CMYA5: variants seen among roughly 807,000 people sequenced by gnomAD.
CMYA5 encodes cardiomyopathy-associated protein 5.
Under a neutral mutation model 318.9 loss-of-function variants are expected in CMYA5, and 246 were observed. The ratio of observed to expected loss-of-function variants is 0.77; its 90% CI spans 0.70 to 0.86. The LOEUF (loss-of-function observed/expected upper bound fraction) is 0.86, where lower values mean the gene tolerates loss of function less well. CMYA5 is among the 40% of genes least tolerant of loss of function. The pLI is 0.00. For synonymous variants in CMYA5, 1,641 were observed against 1,729.5 expected (o/e 0.95, Z 1.27); for missense variants, 4,589 against 4,678.2 (o/e 0.98, Z 0.56).
Position 79,689,959 on chromosome 5 carries a change from G to A in CMYA5, c.52G>A (p.Gly18Arg), listed in dbSNP as rs1405200693. 8.6e-7 allele frequency: 1 copy of A among 1,158,194 alleles called. No individual in the cohort carries two copies. Among genetic ancestry groups the A allele is most frequent in the Non-Finnish European group, 1.3e-6 (1 of 794,838 alleles). 71.7% of individuals were successfully genotyped at this position (1,158,194 alleles called of 1,614,324 possible). Residue 18 changes from glycine to arginine, a missense_variant, in exon 1 of 13, where the codon GGG becomes AGG. Physicochemically the swap from Gly to Arg is moderately radical, Grantham distance 125. Transcript: ENST00000446378. ...HAGESFLGSD[G>R]DEEATRELET... ...TGGCGAGAGCTTTCTCGGCTCCGAC[G>A]GGGACGAGGAGGCGACCCGGGAGCT...
chr5:79,713,422 C>A (rs1213553669), intron 1 of CMYA5, among the ~76,000 whole-genome samples: 1 of 152,020 alleles, frequency 6.6e-6, no homozygotes, highest in East Asian at 1.9e-4. Context: ...TGGTCTGAAG[C>A]AGTCACTAAG....
At chr5:79,747,485 A>C (rs1403577844) in intron 5 of CMYA5, among the ~76,000 whole-genome samples, 2 of 152,210 alleles carry the variant, frequency 1.3e-5, no homozygotes, top group Non-Finnish European at 1.5e-5. Flanking sequence ...GAGTAATTTT[A>C]TGATTTATGT....
intron 11 of CMYA5, among the ~76,000 whole-genome samples, chr5:79,791,851 A>G (rs1039477000): frequency 6.6e-5 from 10 of 152,214 alleles, no homozygotes; most frequent in African/African-American, 2.4e-4. Flanking sequence ...GGCGGAGGAT[A>G]GGGTGGAGGA....
At position 79,732,345 on chromosome 5, in the gene CMYA5, G is replaced by C; in HGVS notation, c.3580G>C (p.Ala1194Pro). 6.2e-7 allele frequency: 1 copy of C among 1,613,734 alleles called. No individual in the cohort carries two copies. The highest frequency in any genetic ancestry group is 8.5e-7 in the Non-Finnish European group (1 of 1,179,798). Residue 1194 changes from alanine to proline, a missense_variant, in exon 2 of 13, where the codon GCT becomes CCT. Coordinates refer to ENST00000446378, the MANE Select transcript of CMYA5 (RefSeq NM_153610.5). Reference sequence around the variant, plus strand: ...ACCCACAGCAGCACTCACTCTAAAAGCTGCAGATGAACAGATGGCTTTGTC... The same window carrying C: ...ACCCACAGCAGCACTCACTCTAAAACCTGCAGATGAACAGATGGCTTTGTC... Reference protein sequence around the residue: ...QEPTAALTLKAADEQMALSKV... With the variant: ...QEPTAALTLKPADEQMALSKV...
chr5:79,732,070 C>G lies in CMYA5; in HGVS notation c.3305C>G (p.Ser1102Cys). The G allele has an allele frequency of 6.2e-7, 1 of 1,613,988 alleles. No individual in the cohort carries two copies. The highest frequency in any genetic ancestry group is 8.5e-7 in the Non-Finnish European group (1 of 1,179,868). ...CCAGAGATTCCAACAACCTCAACAT[C>G]TGTATCTGAATATCTCATTTTGGCA... The part of the protein sequence containing the change: ...IKPEIPTTST[S>C]VSEYLILAQK... The change falls in exon 2 of 13, where the codon TCT (serine) becomes TGT (cysteine). Residue 1102 changes from serine to cysteine, a missense_variant. By Grantham distance (112) the Ser-to-Cys change is moderately radical. Around this residue, in one of 3 missense-constraint regions of CMYA5, gnomAD observed 2,132 missense variants for 2,131.3 expected, o/e 1.00. Transcript: ENST00000446378.
intron 9 of CMYA5, among the ~76,000 whole-genome samples, chr5:79,772,935 G>A (rs1828879696): frequency 2.6e-5 from 4 of 152,206 alleles, no homozygotes; most frequent in Admixed American, 2.6e-4. Context: ...TGGAGAACAA[G>A]TCTTACAGTA....
Position 79,731,452 on chromosome 5 carries a change from C to G in CMYA5, c.2687C>G (p.Ser896Cys). 1 of 1,610,470 alleles carries G rather than the reference C, an allele frequency of 6.2e-7. No homozygotes were observed. The highest frequency in any genetic ancestry group is 8.5e-7 in the Non-Finnish European group (1 of 1,177,862). Residue 896 changes from serine (S) to cysteine (C), a missense_variant, in exon 2 of 13, where the codon TCT (serine) becomes TGT (cysteine). Ser to Cys is a moderately radical substitution (Grantham distance 112). Coordinates refer to ENST00000446378, the MANE Select transcript of CMYA5 (RefSeq NM_153610.5). ...GTCGAGTTGGAACGATACACACCCT[C>G]TTCTACATCTGCTTCTGAATTTTCA... ...EAVELERYTP[S>C]STSASEFSVP...
At position 79,734,940 on chromosome 5, in the gene CMYA5, C is replaced by A. The variant is rs754427550; in HGVS notation, c.6175C>A (p.Gln2059Lys). 1.4e-5 allele frequency: 22 copies of A among 1,613,798 alleles called. No homozygotes were observed. Among genetic ancestry groups the A allele is most frequent in the Non-Finnish European group, 1.9e-5 (22 of 1,179,798 alleles). The change falls in exon 2 of 13, where the codon CAG (glutamine) becomes AAG (lysine). Residue 2059 changes from glutamine (Q) to lysine (K), a missense_variant. Coordinates refer to ENST00000446378, the MANE Select transcript of CMYA5 (RefSeq NM_153610.5). The stretch of plus-strand genomic sequence containing the variant: ...ACCAGTGTCTGGCCTATCAGTGGAA[C>A]AGGTGAAGTCAGAAACAATCTCCTC... ...QKPVSGLSVE[Q>K]VKSETISSSV... is the part of the protein sequence containing the mutation.
chr5:79,712,049 A>C (rs992969603), intron 1 of CMYA5, among the ~76,000 whole-genome samples: 4 of 152,132 alleles, frequency 2.6e-5, no homozygotes, highest in African/African-American at 7.2e-5. Flanking sequence ...GTTTATCCAA[A>C]CAGGCCCGGA....
chr5:79,772,485 T>C (rs529868375), intron 9 of CMYA5, among the ~76,000 whole-genome samples: 5 of 152,188 alleles, frequency 3.3e-5, no homozygotes, highest in African/African-American at 9.7e-5. Flanking sequence ...CAGGTTTGAC[T>C]CTCCAACCTC....
At position 79,732,525 on chromosome 5, in the gene CMYA5, G is replaced by A. The variant is rs1275899857; in HGVS notation, c.3760G>A (p.Val1254Ile). The A allele has an allele frequency of 1.2e-6, 2 of 1,613,178 alleles. No individual in the cohort carries two copies. Among genetic ancestry groups the A allele is most frequent in the Non-Finnish European group, 1.7e-6 (2 of 1,179,594 alleles). The change falls in exon 2 of 13, where the codon GTC (valine) becomes ATC (isoleucine). Residue 1254 changes from valine (V) to isoleucine (I), a missense_variant. By Grantham distance (29) the Val-to-Ile change is conservative (BLOSUM62 3). Around this residue, in one of 3 missense-constraint regions of CMYA5, gnomAD observed 2,132 missense variants for 2,131.3 expected, o/e 1.00. Transcript: ENST00000446378. ...CATGGTAGATGAGCCAAAGAAGGGT[G>A]TCAAGCCCAAATTAGTTCTAAATGT... ...PDMVDEPKKG[V>I]KPKLVLNVTS...
At chr5:79,712,700 A>G (rs574241970) in intron 1 of CMYA5, among the ~76,000 whole-genome samples, 5 of 152,320 alleles carry the variant, frequency 3.3e-5, no homozygotes, top group Admixed American at 1.3e-4. Context: ...AATACAAAAA[A>G]TTGCTGGAAG....
At chr5:79,719,496 A>AT (rs1392166701) in intron 1 of CMYA5, among the ~76,000 whole-genome samples, 1 of 152,200 alleles carries the variant, frequency 6.6e-6, no homozygotes, top group African/African-American at 2.4e-5. Flanking sequence ...AATGAAATTC[A>AT]TTTTTTGAGA....
intron 9 of CMYA5, among the ~76,000 whole-genome samples, chr5:79,774,654 G>A (rs562934100): frequency 1.3e-3 from 195 of 152,268 alleles, no homozygotes; most frequent in African/African-American, 4.6e-3. Context: ...AGACACTCCC[G>A]GGGCCATCCT....
chr5:79,707,035 G>A (rs550282663), intron 1 of CMYA5, among the ~76,000 whole-genome samples: 17 of 151,988 alleles, frequency 1.1e-4, no homozygotes, highest in African/African-American at 4.1e-4. Flanking sequence ...TCAAAACTAG[G>A]TGTGAACTCC....
chr5:79,762,222 GAGGGGCACCCA>G (rs1828666358), intron 8 of CMYA5: 1 of 326,440 alleles, frequency 3.1e-6, no homozygotes, highest in Admixed American at 4.6e-5. Context: ...GAACACTCCA[GAGGGGCACCCA>G]AGTTGGCCTG....
chr5:79,744,664 G>A (rs1828282615), intron 3 of CMYA5, among the ~76,000 whole-genome samples: 1 of 152,214 alleles, frequency 6.6e-6, no homozygotes, highest in Middle Eastern at 3.2e-3. Context: ...TTCCCCAGGT[G>A]TCCTTTTTAG....
chr5:79,756,312 T>A (rs1190799070), intron 6 of CMYA5, among the ~76,000 whole-genome samples: 1 of 152,176 alleles, frequency 6.6e-6, no homozygotes, highest in Non-Finnish European at 1.5e-5. Context: ...TCTGTGGCTT[T>A]CCAGATGATG....
In CMYA5 at chr5:79,731,180, C is replaced by G. The variant is rs1319647475; in HGVS notation, c.2415C>G (p.Leu805=). 6.2e-7 allele frequency: 1 copy of G among 1,614,022 alleles called. No homozygotes were observed. The highest frequency in any genetic ancestry group is 8.5e-7 in the Non-Finnish European group (1 of 1,179,892). Residue 805 remains leucine, a synonymous_variant, in exon 2 of 13, where the codon CTC becomes CTG. Transcript: ENST00000446378. ...SKLISKYAAP[L]NATQESQKKI... The stretch of plus-strand genomic sequence containing the variant: ...TGATCTCCAAATATGCAGCCCCACT[C>G]AATGCAACACAGGAATCTCAAAAGA...
Sources: gnomAD v4.1 joint callset for allele counts (sites outside exome capture counted in the v4.1 genomes callset) on GRCh38, gnomAD v4.1.1 for gene constraint, gnomAD v4.1.1 regional missense constraint, MANE v1.5 for transcripts, NCBI Gene and HGNC (gene_info 2026-07-23, HGNC 2026-07-21) for gene names.